DDX10: variants seen among roughly 807,000 people sequenced by gnomAD.
DDX10 encodes probable ATP-dependent RNA helicase DDX10.
A neutral mutation model predicts 104.3 loss-of-function variants in DDX10; 74 were observed. That is an observed-to-expected ratio of 0.71 (90% CI 0.59 to 0.86). The LOEUF (loss-of-function observed/expected upper bound fraction) is 0.86, where lower values mean the gene tolerates loss of function less well. DDX10 is among the 40% of genes least tolerant of loss of function. The probability of loss-of-function intolerance (pLI) is 0.00; values close to 1 mark genes in which losing one functional copy is unlikely to be tolerated. For synonymous variants in DDX10, 351 were observed against 353.4 expected (o/e 0.99, Z 0.08); for missense variants, 952 against 1,040.0 (o/e 0.92, Z 1.16).
intron 13 of DDX10, among the ~76,000 whole-genome samples, chr11:108,730,373 T>C (rs574234434): frequency 1.3e-5 from 2 of 152,234 alleles, no homozygotes; most frequent in African/African-American, 2.4e-5. Context: ...CACATCTCAG[T>C]GGTAGGGAGC....
At chr11:108,895,047 G>C (rs972219727) in intron 16 of DDX10, among the ~76,000 whole-genome samples, 3 of 151,848 alleles carry the variant, frequency 2.0e-5, no homozygotes, top group Non-Finnish European at 2.9e-5. Context: ...GGAATTTTAG[G>C]CAACTTGTAA....
chr11:108,810,225 G>A (rs1862160116), intron 13 of DDX10, among the ~76,000 whole-genome samples: 1 of 152,118 alleles, frequency 6.6e-6, no homozygotes. Context: ...CTTCCTAATC[G>A]ATAAACATCT....
At chr11:108,702,830 A>T (rs1230967935) in intron 9 of DDX10, among the ~76,000 whole-genome samples, 1 of 152,228 alleles carries the variant, frequency 6.6e-6, no homozygotes, top group Non-Finnish European at 1.5e-5. Context: ...AAAGTCTCTG[A>T]TATTAGTAAC....
intron 10 of DDX10, among the ~76,000 whole-genome samples, chr11:108,709,830 C>G (rs2094281695): frequency 6.6e-6 from 1 of 151,776 alleles, no homozygotes; most frequent in Admixed American, 6.6e-5. Flanking sequence ...TAATTTACCC[C>G]TTTTCTGTTT....
intron 16 of DDX10, among the ~76,000 whole-genome samples, chr11:108,853,941 G>A (rs1393121227): frequency 6.6e-6 from 1 of 152,186 alleles, no homozygotes. Context: ...ATAGACAGAG[G>A]CTGTGTTTTA....
At chr11:108,873,233 G>T (rs145092291) in intron 16 of DDX10, among the ~76,000 whole-genome samples, 200 of 152,146 alleles carry the variant, frequency 1.3e-3, no homozygotes, top group African/African-American at 4.3e-3. Flanking sequence ...TTTCCAGGTG[G>T]GTAGACAAGG....
intron 17 of DDX10, among the ~76,000 whole-genome samples, chr11:108,932,443 A>AC (rs1385067296): frequency 2.0e-5 from 3 of 151,684 alleles, no homozygotes; most frequent in African/African-American, 7.3e-5. Context: ...ACATAGCAAG[A>AC]CCCCCATCTC....
At chr11:108,921,086 A>G (rs1236561680) in intron 17 of DDX10, 1 of 152,190 alleles carries the variant, frequency 6.6e-6, no homozygotes, top group African/African-American at 2.4e-5. Flanking sequence ...ACGGAAGGTA[A>G]AACCTATTTG....
At chr11:108,831,692 AT>A (rs1482590976) in intron 13 of DDX10, among the ~76,000 whole-genome samples, 2 of 152,064 alleles carry the variant, frequency 1.3e-5, no homozygotes, top group Non-Finnish European at 2.9e-5. Flanking sequence ...TTAAAATATC[AT>A]TTTTTAACAA....
At chr11:108,906,240 T>A (rs1347891741) in intron 16 of DDX10, among the ~76,000 whole-genome samples, 1 of 152,226 alleles carries the variant, frequency 6.6e-6, no homozygotes, top group Non-Finnish European at 1.5e-5. Flanking sequence ...TTATTTAGTT[T>A]CAATTATGTT....
At chr11:108,803,355 A>T (rs1325645028) in intron 13 of DDX10, among the ~76,000 whole-genome samples, 7 of 151,566 alleles carry the variant, frequency 4.6e-5, no homozygotes, top group Non-Finnish European at 8.8e-5. Context: ...GCACTTTGGG[A>T]GGCCGAGGTG....
At chr11:108,856,435 A>AAAAC (rs746802323) in intron 16 of DDX10, among the ~76,000 whole-genome samples, 2 of 152,108 alleles carry the variant, frequency 1.3e-5, no homozygotes, top group Admixed American at 1.3e-4. Flanking sequence ...TGTCTCAAAC[A>AAAAC]AAACAAACAA....
At chr11:108,686,529 G>A (rs566919637) in intron 6 of DDX10, among the ~76,000 whole-genome samples, 53 of 152,142 alleles carry the variant, frequency 3.5e-4, no homozygotes, top group African/African-American at 1.1e-3. Flanking sequence ...TTAATATTAC[G>A]CATTTAAGAT....
chr11:108,719,825 A>G lies in DDX10; in HGVS notation c.1439A>G (p.Tyr480Cys), dbSNP rs2094296143. Residue 480 changes from tyrosine (Y) to cysteine (C), a missense_variant, in exon 12 of 18, where the codon TAT (tyrosine) becomes TGT (cysteine). By Grantham distance (194) the Tyr-to-Cys change is radical. This residue lies in a region of DDX10 where 533 missense variants were observed against 534.1 expected (regional missense o/e 1.00). Coordinates refer to ENST00000322536, the MANE Select transcript of DDX10 (RefSeq NM_004398.4). The part of the protein sequence containing the change: ...RCFVSYVRSV[Y>C]LMKDKEVFDV... Reference sequence around the variant, plus strand: ...TTCGTCTCCTATGTACGATCTGTATATCTGATGAAGGATAAAGAAGTATTT... The same window carrying G: ...TTCGTCTCCTATGTACGATCTGTATGTCTGATGAAGGATAAAGAAGTATTT... 1 of 1,606,704 alleles carries G rather than the reference A, an allele frequency of 6.2e-7. No individual in the cohort carries two copies. The highest frequency in any genetic ancestry group is 8.5e-7 in the Non-Finnish European group (1 of 1,173,428).
chr11:108,911,331 TG>T (rs1324593886), intron 16 of DDX10, among the ~76,000 whole-genome samples: 2 of 152,180 alleles, frequency 1.3e-5, no homozygotes, highest in Non-Finnish European at 2.9e-5. Flanking sequence ...AGAAGTTAAC[TG>T]CTTGCAGTTC....
intron 15 of DDX10, among the ~76,000 whole-genome samples, chr11:108,848,325 C>T (rs536967842): frequency 1.3e-5 from 2 of 152,232 alleles, no homozygotes; most frequent in Admixed American, 6.5e-5. Flanking sequence ...TGGTCTGGCT[C>T]ACATGGTCCT....
chr11:108,745,825 G>T (rs528891373), intron 13 of DDX10, among the ~76,000 whole-genome samples: 4 of 151,980 alleles, frequency 2.6e-5, no homozygotes, highest in Non-Finnish European at 5.9e-5. Context: ...TATGACATAG[G>T]GTTAGATATG....
rs1165224006 is a variant in DDX10, at chr11:108,931,146, G to T, written c.2451-9100G>T. 2.0e-5 allele frequency among the ~76,000 whole-genome samples: 3 copies of T among 152,150 alleles called. No homozygotes were observed. The South Asian group carries it at 6.2e-4, about 32-fold the overall frequency. On this transcript the variant is annotated intron_variant, in intron 17 of 17. Coordinates refer to ENST00000322536, the MANE Select transcript of DDX10 (RefSeq NM_004398.4). The stretch of plus-strand genomic sequence containing the variant: ...TGGGCTGAGCAAGACCGTATCTCAG[G>T]GGGTCGGGGGACATCTCAAGTTAAA...
intron 13 of DDX10, among the ~76,000 whole-genome samples, chr11:108,832,176 G>A (rs1025567104): frequency 6.6e-6 from 1 of 150,408 alleles, no homozygotes; most frequent in African/African-American, 2.4e-5. Flanking sequence ...AGTATAAAAA[G>A]TAATAACACT....
Sources: allele counts gnomAD v4.1 joint callset (sites outside exome capture counted in the v4.1 genomes callset), GRCh38; gene constraint gnomAD v4.1.1; regional missense constraint gnomAD v4.1.1; transcripts MANE v1.5; gene names NCBI Gene and HGNC (gene_info 2026-07-23, HGNC 2026-07-21).